The following CHD6 variants were observed in gnomAD, a reference collection of about 807,000 sequenced individuals.
The protein encoded by CHD6 is ATP-dependent chromatin remodeler CHD6.
A neutral mutation model predicts 276.9 loss-of-function variants in CHD6; 50 were observed. The observed-to-expected ratio is 0.18, with a 90% CI of 0.14 to 0.23. The LOEUF (loss-of-function observed/expected upper bound fraction) is 0.23. Among genes scored for constraint, CHD6 ranks in the 10% least tolerant of loss-of-function variants. The pLI, the probability that CHD6 is intolerant of heterozygous loss-of-function variation, is 1.00. For synonymous variants in CHD6, 1,173 were observed against 1,229.3 expected, an observed-to-expected ratio of 0.95 and a Z score of 0.96; for missense variants, 2,564 against 3,365.8, an observed-to-expected ratio of 0.76 and a Z score of 5.89.
At chr20:41,480,816 T>C (rs1300350185) in intron 16 of CHD6, among the ~76,000 whole-genome samples, 3 of 152,146 alleles carry the variant, frequency 2.0e-5, no homozygotes, top group South Asian at 2.1e-4. Flanking sequence ...TTAAGTGTAA[T>C]AGAATGATAT....
At chr20:41,459,945 ACAGACTTGTTCAATGGCTTTG>A (rs1232742980) in intron 17 of CHD6, among the ~76,000 whole-genome samples, 5 of 152,264 alleles carry the variant, frequency 3.3e-5, no homozygotes, top group Non-Finnish European at 5.9e-5. Flanking sequence ...GGAACCTCCT[ACAGACTTGTTCAATGGCTTTG>A]CCCAAAATGC....
intron 23 of CHD6, among the ~76,000 whole-genome samples, chr20:41,448,394 A>G (rs2048134111): frequency 6.6e-6 from 1 of 152,202 alleles, no homozygotes; most frequent in Admixed American, 6.5e-5. Flanking sequence ...AATAAAGGCA[A>G]GTGTCTATTT....
chr20:41,497,137 A>C (rs1029913023), intron 8 of CHD6: 1 of 446,066 alleles, frequency 2.2e-6, no homozygotes, highest in African/African-American at 2.0e-5. Context: ...CTAGCTATTT[A>C]TTAGTATTCA....
At chr20:41,519,559 T>C (rs1026532968) in intron 3 of CHD6, among the ~76,000 whole-genome samples, 4 of 152,120 alleles carry the variant, frequency 2.6e-5, no homozygotes, top group Non-Finnish European at 4.4e-5. Context: ...AAGAAAGAAT[T>C]CTACAAACTG....
At chr20:41,422,180 G>C (rs2047216762) in intron 30 of CHD6, 101 bp from the exon 31 acceptor site, 13 of 1,239,182 alleles carry the variant, frequency 1.0e-5, no homozygotes, top group Non-Finnish European at 8.8e-6. Context: ...TAGCTCCCTG[G>C]CTCCTCAGCA....
At chr20:41,594,747 G>A (rs910432745) in intron 1 of CHD6, among the ~76,000 whole-genome samples, 1 of 152,152 alleles carries the variant, frequency 6.6e-6, no homozygotes, top group Non-Finnish European at 1.5e-5. Flanking sequence ...GTTGGTAATG[G>A]ACAGCCTCTC....
At chr20:41,471,621 C>T (rs532414221) in intron 17 of CHD6, among the ~76,000 whole-genome samples, 38 of 151,946 alleles carry the variant, frequency 2.5e-4, no homozygotes, top group Non-Finnish European at 4.1e-4. Context: ...CTGCAAGCTC[C>T]GCCTCGTGGG....
At chr20:41,586,385 A>G (rs1228282980) in intron 1 of CHD6, among the ~76,000 whole-genome samples, 1 of 152,176 alleles carries the variant, frequency 6.6e-6, no homozygotes, top group Non-Finnish European at 1.5e-5. Context: ...TTGTTCCTGC[A>G]CAGCTAAGTG....
At chr20:41,506,426 T>C (rs1237621646) in intron 5 of CHD6, among the ~76,000 whole-genome samples, 1 of 152,182 alleles carries the variant, frequency 6.6e-6, no homozygotes, top group African/African-American at 2.4e-5. Flanking sequence ...TATAGACTAT[T>C]CCCTCTGTCT....
chr20:41,552,651 G>A (rs1417365257), intron 1 of CHD6, among the ~76,000 whole-genome samples: 1 of 152,112 alleles, frequency 6.6e-6, no homozygotes, highest in South Asian at 2.1e-4. Context: ...CCTTGGGACC[G>A]CAATTACAGT....
At chr20:41,482,404 G>T (rs1391691219) in intron 16 of CHD6, 3 of 312,424 alleles carry the variant, frequency 9.6e-6, no homozygotes, top group South Asian at 8.1e-5. Flanking sequence ...TACATTAAGT[G>T]TCAGCATACC....
chr20:41,469,407 G>T (rs1219688553), intron 17 of CHD6, among the ~76,000 whole-genome samples: 1 of 152,144 alleles, frequency 6.6e-6, no homozygotes, highest in African/African-American at 2.4e-5. Flanking sequence ...AATGGAAGAG[G>T]AAGGTTTGTG....
In CHD6 at chr20:41,402,472, A is replaced by T; in HGVS notation, c.*2121T>A. The T allele has an allele frequency of 4.3e-6, 1 of 231,216 alleles. No homozygotes were observed. Among genetic ancestry groups the T allele is most frequent in the Admixed American group, 5.6e-5 (1 of 17,716 alleles). 14.3% of individuals were successfully genotyped at this position (231,216 alleles called of 1,614,324 possible). A position where few individuals can be genotyped will look rare whatever the true frequency, so the allele number is the denominator to read the frequency against. On this transcript the variant is annotated 3_prime_UTR_variant, in exon 37 of 37. Coordinates refer to ENST00000373233, the MANE Select transcript of CHD6 (RefSeq NM_032221.5). ...TGAACCCTGTGACCTACCGGAGGTTATAAGTGGAACCCGGGGAAAGCAGCT... is the reference window on the plus strand; with the variant it reads ...TGAACCCTGTGACCTACCGGAGGTTTTAAGTGGAACCCGGGGAAAGCAGCT...
At chr20:41,524,393 C>T (rs1399134927) in intron 3 of CHD6, among the ~76,000 whole-genome samples, 1 of 152,160 alleles carries the variant, frequency 6.6e-6, no homozygotes, top group Non-Finnish European at 1.5e-5. Flanking sequence ...ACCGTATCAT[C>T]AACACCTTCA....
intron 25 of CHD6, among the ~76,000 whole-genome samples, chr20:41,445,388 G>A (rs572233722): frequency 1.3e-5 from 2 of 152,226 alleles, no homozygotes; most frequent in Non-Finnish European, 2.9e-5. Flanking sequence ...TCCCATATCC[G>A]ACAGCATGGA....
At chr20:41,445,317 T>G (rs73611274) in intron 25 of CHD6, among the ~76,000 whole-genome samples, 2 of 152,166 alleles carry the variant, frequency 1.3e-5, no homozygotes, top group Admixed American at 6.5e-5. Flanking sequence ...TTCCCGCCAT[T>G]TATTTACTCC....
At position 41,552,376 on chromosome 20, in the gene CHD6, T is replaced by C. The variant is rs185392083; in HGVS notation, c.-23-1016A>G. Among the ~76,000 whole-genome samples the C allele has an allele frequency of 4.6e-5, 7 of 152,360 alleles. No homozygotes were observed. In the East Asian group the frequency reaches 1.3e-3, roughly 29 times the overall value. ...CCAAATGAATGTGATGTGTAGGCAT[T>C]AAGTCTTAATAGAGCTTTTAAGATT... On this transcript the variant is annotated intron_variant, in intron 1 of 36. Coordinates refer to ENST00000373233, the MANE Select transcript of CHD6 (RefSeq NM_032221.5).
intron 27 of CHD6, 29 bp downstream of exon 27, chr20:41,437,244 TA>T: frequency 6.4e-7 from 1 of 1,555,520 alleles, no homozygotes; most frequent in Non-Finnish European, 8.9e-7. Context: ...AAAGACGGTG[TA>T]AATGACCAAT....
intron 27 of CHD6, 51 bp from the exon 28 acceptor site, chr20:41,426,204 C>G (rs745416815): frequency 2.2e-5 from 29 of 1,289,032 alleles, no homozygotes; most frequent in Non-Finnish European, 3.2e-5. Flanking sequence ...TTAGAAGAAA[C>G]CAGCTCAGAA....
Sources: gnomAD v4.1 joint callset for allele counts (sites outside exome capture counted in the v4.1 genomes callset) on GRCh38, gnomAD v4.1.1 for gene constraint, MANE v1.5 for transcripts, NCBI Gene and HGNC (gene_info 2026-07-23, HGNC 2026-07-21) for gene names.